The following GCM2 variants were observed in gnomAD, a reference collection of about 807,000 sequenced individuals.
GCM2 encodes the protein chorion-specific transcription factor GCMb.
GCM2 carries 21 observed loss-of-function variants against 24.8 expected under a neutral mutation model. The ratio of observed to expected loss-of-function variants is 0.85; its 90% CI spans 0.60 to 1.22. The LOEUF is 1.22. Ranked by LOEUF, GCM2 falls within the 50% of genes most tolerant of loss-of-function variation. The pLI, the probability that GCM2 is intolerant of heterozygous loss-of-function variation, is 0.00. For synonymous variants in GCM2, 222 were observed against 238.0 expected, an observed-to-expected ratio of 0.93 and a Z score of 0.62; for missense variants, 532 against 645.6, an observed-to-expected ratio of 0.82 and a Z score of 1.91.
At position 10,874,627 on chromosome 6, in the gene GCM2, T is replaced by A. The variant is rs751302912; in HGVS notation, c.889A>T (p.Ser297Cys). 1 of 1,614,034 alleles carries A rather than the reference T, an allele frequency of 6.2e-7. No homozygotes were observed. The highest frequency in any genetic ancestry group is 1.3e-5 in the African/African-American group (1 of 74,934). ...PYPTLYKDST[S>C]IPNDTDWVHL... The stretch of plus-strand genomic sequence containing the variant: ...ACCCAGTCTGTGTCATTAGGGATAC[T>A]GGTGGAATCCTTATAAAGGGTGGGA... The change falls in exon 5 of 5, where the codon AGT becomes TGT. Residue 297 changes from serine to cysteine, a missense_variant. Transcript: ENST00000379491.
rs756976421 is a variant in GCM2, at chr6:10,874,772, G to A, written c.744C>T (p.Ala248=). The change falls in exon 5 of 5, where the codon GCC becomes GCT. Residue 248 remains alanine (A), a synonymous_variant. Coordinates refer to ENST00000379491, the MANE Select transcript of GCM2 (RefSeq NM_004752.4). ...GTGGCATTTTGTCTCCTTGAAAGGT[G>A]GCTAGGTCACAGGTAGCTTTGTAAA... ...SDVYKATCDL[A]TFQGDKMPPF... is the part of the protein sequence containing the mutation. 6.2e-7 allele frequency: 1 copy of A among 1,613,968 alleles called. No individual in the cohort carries two copies. Among genetic ancestry groups the A allele is most frequent in the South Asian group, 1.1e-5 (1 of 91,076 alleles).
At chr6:10,878,321 C>T (rs1779910841) in intron 1 of GCM2, among the ~76,000 whole-genome samples, 1 of 152,006 alleles carries the variant, frequency 6.6e-6, no homozygotes, top group African/African-American at 2.4e-5. Context: ...TGAGCACTTC[C>T]TTTTTTCTTT....
intron 1 of GCM2, among the ~76,000 whole-genome samples, chr6:10,879,624 G>C (rs1779931443): frequency 6.6e-6 from 1 of 152,194 alleles, no homozygotes; most frequent in Non-Finnish European, 1.5e-5. Flanking sequence ...CAGACAGGTA[G>C]TTTAACTTGC....
In GCM2 at chr6:10,875,230, T is replaced by C. The variant is rs1429387178; in HGVS notation, c.583-297A>G. Among the ~76,000 whole-genome samples, 6 of 152,188 alleles carry C rather than the reference T, an allele frequency of 3.9e-5. No homozygotes were observed. The East Asian group carries it at 9.6e-4, about 24-fold the overall frequency. On this transcript the variant is annotated intron_variant, in intron 4 of 4. Transcript: ENST00000379491. ...ATACTGTCTTCCTAATAGTGGAGAC[T>C]TAGGAGCCACACGGGCCTGGGTTCA...
At chr6:10,880,770 T>A (rs1219726132) in intron 1 of GCM2, among the ~76,000 whole-genome samples, 1 of 152,200 alleles carries the variant, frequency 6.6e-6, no homozygotes, top group African/African-American at 2.4e-5. Flanking sequence ...GAAGTAAGTT[T>A]TGGGTACAGG....
chr6:10,877,506 T>G, intron 1 of GCM2, 114 bp from the exon 2 acceptor site: 1 of 1,107,910 alleles, frequency 9.0e-7, no homozygotes, highest in African/African-American at 1.5e-5. Flanking sequence ...TTAAATCCAG[T>G]AACGTCAAAT....
chr6:10,875,612 C>T (rs1261060729), intron 4 of GCM2, among the ~76,000 whole-genome samples: 2 of 152,210 alleles, frequency 1.3e-5, no homozygotes, highest in African/African-American at 4.8e-5. Context: ...ATCTTTATTA[C>T]TGTTGCATAA....
chr6:10,880,209 C>T (rs533656471), intron 1 of GCM2, among the ~76,000 whole-genome samples: 9 of 152,156 alleles, frequency 5.9e-5, no homozygotes, highest in South Asian at 2.1e-4. Context: ...GAGCTGAGAT[C>T]GTGTGATTGC....
rs74690440 is a variant in GCM2 at position 10,874,944 on chromosome 6, G to A, written c.583-11C>T. On this transcript the variant is annotated splice_polypyrimidine_tract_variant and intron_variant, in intron 4 of 4. Transcript: ENST00000379491. ...TTGATTTTCTTCTGCCTAGAAAAAT[G>A]ATACAAACATAGACACACGCTATGT... 1.4e-3 allele frequency: 2,252 copies of A among 1,568,260 alleles called. 33 individuals carry two copies. In the African/African-American group the frequency reaches 0.027, roughly 19 times the overall value.
intron 1 of GCM2, among the ~76,000 whole-genome samples, chr6:10,877,967 A>G (rs1779906344): frequency 6.6e-6 from 1 of 152,222 alleles, no homozygotes; most frequent in African/African-American, 2.4e-5. Flanking sequence ...CCTGTCAGTC[A>G]CATTAGCAGT....
In GCM2 at chr6:10,874,527, T is replaced by A. The variant is rs146910834; in HGVS notation, c.989A>T (p.Gln330Leu). The change falls in exon 5 of 5, where the codon CAG (glutamine) becomes CTG (leucine). Residue 330 changes from glutamine to leucine, a missense_variant. Gln to Leu is a moderately radical substitution (Grantham distance 113). This residue lies in a region of GCM2 where 434 missense variants were observed against 521.9 expected (regional missense o/e 0.83). Coordinates refer to ENST00000379491, the MANE Select transcript of GCM2 (RefSeq NM_004752.4). ...TCCAAGAGCTGGTTTCCAGCCATGC[T>A]GTTTGTTGGTGAAATCAAAGCTTCT... ...YERSFDFTNK[Q>L]HGWKPALGKP... 275 of 1,614,142 alleles carry A rather than the reference T, an allele frequency of 1.7e-4. No homozygotes were observed. The highest frequency in any genetic ancestry group is 1.9e-4 in the Non-Finnish European group (229 of 1,180,046).
chr6:10,874,108 A>G lies in GCM2; in HGVS notation c.1408T>C (p.Ser470Pro). Residue 470 changes from serine (S) to proline (P), a missense_variant, in exon 5 of 5, where the codon TCT becomes CCT. Ser to Pro is a moderately conservative substitution (Grantham distance 74). Around this residue, in one of 3 missense-constraint regions of GCM2, gnomAD observed 434 missense variants for 521.9 expected, o/e 0.83. Transcript: ENST00000379491. ...CAAGTCTCTGCTTCATCTGTCCTAG[A>G]GGAAACTGGCTCGTGGGGAATAGCC... The part of the protein sequence containing the change: ...TVAIPHEPVS[S>P]RTDEAETWDV... 6.2e-7 allele frequency: 1 copy of G among 1,614,178 alleles called. No individual in the cohort carries two copies. The highest frequency in any genetic ancestry group is 8.5e-7 in the Non-Finnish European group (1 of 1,180,040).
chr6:10,881,860 C>A lies in GCM2; in HGVS notation c.-67G>T. On this transcript the variant is annotated 5_prime_UTR_variant, in exon 1 of 5. Transcript: ENST00000379491. ...ATAGAAGAAAAAAGGACAGGTGCGCCAGGTGGGTTTTTTTTCTTCTCTTTA... is the reference window on the plus strand; with the variant it reads ...ATAGAAGAAAAAAGGACAGGTGCGCAAGGTGGGTTTTTTTTCTTCTCTTTA... 1 of 1,328,492 alleles carries A rather than the reference C, an allele frequency of 7.5e-7. No individual in the cohort carries two copies. The highest frequency in any genetic ancestry group is 2.3e-5 in the East Asian group (1 of 43,182). The allele number at this position is 1,328,492 out of a possible 1,614,324, so 82.3% of individuals were successfully genotyped here.
At chr6:10,877,485 A>G (rs925006501) in intron 1 of GCM2, 93 bp from the exon 2 acceptor site, 8 of 1,358,712 alleles carry the variant, frequency 5.9e-6, no homozygotes, top group African/African-American at 1.4e-5. Context: ...TAGGATACAA[A>G]CCAGTTCTTT....
At chr6:10,881,585 T>G in intron 1 of GCM2, 119 bp downstream of exon 1, 1 of 689,046 alleles carries the variant, frequency 1.5e-6, no homozygotes, top group Non-Finnish European at 2.6e-6. Context: ...TGTGTGTGTG[T>G]GTGTGTGTGT....
intron 1 of GCM2, among the ~76,000 whole-genome samples, chr6:10,879,368 A>G (rs539574608): frequency 6.6e-6 from 1 of 152,326 alleles, no homozygotes; most frequent in East Asian, 1.9e-4. Flanking sequence ...TGAGGTAGTG[A>G]CCCTGGCAAT....
Position 10,874,604 on chromosome 6 carries a change from C to G in GCM2, c.912G>C (p.Trp304Cys), listed in dbSNP as rs1306921045. ...DSTSIPNDTD[W>C]VHLNTLQCNV... ...TACATTGTAGTGTGTTCAGATGAAC[C>G]CAGTCTGTGTCATTAGGGATACTGG... Residue 304 changes from tryptophan to cysteine, a missense_variant, in exon 5 of 5, where the codon TGG (tryptophan) becomes TGC (cysteine). By Grantham distance (215) the Trp-to-Cys change is radical. Coordinates refer to ENST00000379491, the MANE Select transcript of GCM2 (RefSeq NM_004752.4). 6.2e-7 allele frequency: 1 copy of G among 1,613,838 alleles called. No individual in the cohort carries two copies. The highest frequency in any genetic ancestry group is 2.2e-5 in the East Asian group (1 of 44,866).
rs375776251 is a variant in GCM2, at chr6:10,874,329, G to T, written c.1187C>A (p.Pro396His). Residue 396 changes from proline to histidine, a missense_variant, in exon 5 of 5, where the codon CCC (proline) becomes CAC (histidine). Around this residue, in one of 3 missense-constraint regions of GCM2, gnomAD observed 434 missense variants for 521.9 expected, o/e 0.83. Coordinates refer to ENST00000379491, the MANE Select transcript of GCM2 (RefSeq NM_004752.4). Reference sequence around the variant, plus strand: ...ACTGTCACTGTATTTCATAGCAGGGGGCTGGTAGGCCTGGTAGGACACTTT... The same window carrying T: ...ACTGTCACTGTATTTCATAGCAGGGTGCTGGTAGGCCTGGTAGGACACTTT... ...TTKVSYQAYQ[P>H]PAMKYSDSVR... The T allele has an allele frequency of 1.7e-5, 28 of 1,614,096 alleles. No individual in the cohort carries two copies. The African/African-American group carries it at 3.7e-4, about 22-fold the overall frequency.
Position 10,881,717 on chromosome 6 carries a change from G to T in GCM2, c.77C>A (p.Pro26Gln), listed in dbSNP as rs762668841. ...CGGTTCACTTACCTGAGGCATCTGC[G>T]GATCGTTGATGTCCCAGCTGAGCTG... ...GMQLSWDIND[P>Q]QMPQELALFD... The change falls in exon 1 of 5, where the codon CCG becomes CAG. Residue 26 changes from proline to glutamine, a missense_variant. By Grantham distance (76) the Pro-to-Gln change is moderately conservative. This residue lies in a region of GCM2 where 96 missense variants were observed against 103.5 expected (regional missense o/e 0.93). Coordinates refer to ENST00000379491, the MANE Select transcript of GCM2 (RefSeq NM_004752.4). 6.2e-7 allele frequency: 1 copy of T among 1,611,544 alleles called. No homozygotes were observed. The highest frequency in any genetic ancestry group is 1.1e-5 in the South Asian group (1 of 91,078).
Sources: allele counts gnomAD v4.1 joint callset (sites outside exome capture counted in the v4.1 genomes callset), GRCh38; gene constraint gnomAD v4.1.1; regional missense constraint gnomAD v4.1.1; transcripts MANE v1.5; gene names NCBI Gene and HGNC (gene_info 2026-07-23, HGNC 2026-07-21).